Variants in PTPRT observed in about 807,000 individuals in gnomAD.
PTPRT encodes the protein receptor-type tyrosine-protein phosphatase T.
In PTPRT, 56 loss-of-function variants were observed where a neutral mutation model predicts 176.8. That is an observed-to-expected ratio of 0.32 (90% CI 0.26 to 0.40). The LOEUF (loss-of-function observed/expected upper bound fraction) is 0.40, where lower values mean the gene tolerates loss of function less well. Ranked by LOEUF, PTPRT falls within the 10% of genes least tolerant of loss-of-function variation. The probability of loss-of-function intolerance (pLI) is 1.00; values close to 1 mark genes in which losing one functional copy is unlikely to be tolerated. For missense variants in PTPRT, 1,540 were observed against 1,908.2 expected, an observed-to-expected ratio of 0.81 and a Z score of 3.60; for synonymous variants, 783 against 739.0, an observed-to-expected ratio of 1.06 and a Z score of -0.96.
chr20:43,161,640 C>T (rs771156210), intron 1 of PTPRT, among the ~76,000 whole-genome samples: 4 of 152,184 alleles, frequency 2.6e-5, no homozygotes, highest in Non-Finnish European at 5.9e-5. Flanking sequence ...ACTTCCTCTC[C>T]AGAATCCACA....
intron 3 of PTPRT, among the ~76,000 whole-genome samples, chr20:42,790,745 T>C (rs981387417): frequency 3.3e-5 from 5 of 152,206 alleles, no homozygotes; most frequent in Non-Finnish European, 7.3e-5. Flanking sequence ...TCATCTTAGA[T>C]GTCATCTCCT....
chr20:42,979,982 A>AG (rs1180055689), intron 1 of PTPRT, among the ~76,000 whole-genome samples: 12 of 9,460 alleles, frequency 1.3e-3, no homozygotes, highest in South Asian at 3.1e-3. Context: ...CCGGCCGGGA[A>AG]GGGGGGGTGG....
At chr20:42,736,209 A>C (rs544326931) in intron 6 of PTPRT, among the ~76,000 whole-genome samples, 27 of 152,326 alleles carry the variant, frequency 1.8e-4, no homozygotes, top group African/African-American at 6.5e-4. Flanking sequence ...ACTTCCCTGC[A>C]GGGAAAATAC....
intron 18 of PTPRT, among the ~76,000 whole-genome samples, chr20:42,138,918 T>G (rs1988499117): frequency 6.6e-6 from 1 of 152,226 alleles, no homozygotes; most frequent in African/African-American, 2.4e-5. Context: ...TGGGCCTTTG[T>G]CCTCCACTCC....
chr20:42,969,846 C>T (rs1428048531), intron 1 of PTPRT, among the ~76,000 whole-genome samples: 1 of 152,166 alleles, frequency 6.6e-6, no homozygotes, highest in Non-Finnish European at 1.5e-5. Context: ...AAATATGGTA[C>T]ATTTACTATA....
intron 2 of PTPRT, among the ~76,000 whole-genome samples, chr20:42,812,409 C>A (rs1305431480): frequency 6.6e-6 from 1 of 152,104 alleles, no homozygotes; most frequent in Admixed American, 6.6e-5. Context: ...CTGCCCCAGT[C>A]TGGTAACCTC....
At chr20:43,141,026 A>G (rs1170297381) in intron 1 of PTPRT, among the ~76,000 whole-genome samples, 1 of 152,238 alleles carries the variant, frequency 6.6e-6, no homozygotes, top group Non-Finnish European at 1.5e-5. Context: ...TGCACTGGAA[A>G]ATTGTAGCAC....
chr20:43,040,394 A>G (rs959148099), intron 1 of PTPRT, among the ~76,000 whole-genome samples: 1 of 152,246 alleles, frequency 6.6e-6, no homozygotes, highest in Non-Finnish European at 1.5e-5. Context: ...TTGCCAACAG[A>G]GCAGAACTGG....
chr20:42,124,011 T>C (rs1312894981), intron 19 of PTPRT, among the ~76,000 whole-genome samples: 1 of 152,106 alleles, frequency 6.6e-6, no homozygotes, highest in Non-Finnish European at 1.5e-5. Context: ...CTTGAAAAAT[T>C]CATATTGACT....
intron 15 of PTPRT, among the ~76,000 whole-genome samples, chr20:42,235,854 A>T (rs920420505): frequency 6.6e-6 from 1 of 152,162 alleles, no homozygotes; most frequent in Non-Finnish European, 1.5e-5. Flanking sequence ...CCAAGTAAAA[A>T]CACATGGATT....
At chr20:42,391,784 A>C (rs562185165) in intron 9 of PTPRT, among the ~76,000 whole-genome samples, 2 of 152,332 alleles carry the variant, frequency 1.3e-5, no homozygotes, top group African/African-American at 4.8e-5. Flanking sequence ...AGCAAGTCCT[A>C]CATACTGAAA....
In PTPRT at chr20:42,352,118, G is replaced by A. The variant is rs2145522752; in HGVS notation, c.1728C>T (p.Pro576=). 1.2e-6 allele frequency: 2 copies of A among 1,614,062 alleles called. No individual in the cohort carries two copies. Among genetic ancestry groups the A allele is most frequent in the Non-Finnish European group, 1.7e-6 (2 of 1,179,980 alleles). The change falls in exon 10 of 31, where the codon CCC becomes CCT. Residue 576 remains proline (P), a synonymous_variant. Transcript: ENST00000373187. ...TGGTGGCAATCCGAGTGGTGACAGG[G>A]GGCCCAAAGCCCTTTGCTGTGCTGG... ...IKASTAKGFG[P]PVTTRIATKI...
At chr20:42,224,105 C>G (rs1456360246) in intron 15 of PTPRT, among the ~76,000 whole-genome samples, 1 of 152,100 alleles carries the variant, frequency 6.6e-6, no homozygotes, top group Non-Finnish European at 1.5e-5. Context: ...AAAAACTGCT[C>G]CAGAAAGCAA....
intron 19 of PTPRT, among the ~76,000 whole-genome samples, chr20:42,120,604 G>A (rs915003183): frequency 9.2e-5 from 14 of 152,122 alleles, no homozygotes; most frequent in African/African-American, 3.4e-4. Flanking sequence ...GTACATTTCA[G>A]AGCACTACAG....
intron 18 of PTPRT, among the ~76,000 whole-genome samples, chr20:42,130,005 C>T (rs940985865): frequency 2.0e-5 from 3 of 152,146 alleles, no homozygotes; most frequent in Non-Finnish European, 2.9e-5. Flanking sequence ...GTTCTTTTAG[C>T]CCTTGTTACA....
At chr20:42,727,255 C>T (rs1600668338) in intron 6 of PTPRT, among the ~76,000 whole-genome samples, 1 of 152,182 alleles carries the variant, frequency 6.6e-6, no homozygotes, top group Non-Finnish European at 1.5e-5. Context: ...ATTTGATATC[C>T]TCTTAGATAT....
chr20:43,153,217 A>AT (rs2014416933), intron 1 of PTPRT, among the ~76,000 whole-genome samples: 1 of 152,214 alleles, frequency 6.6e-6, no homozygotes, highest in Non-Finnish European at 1.5e-5. Flanking sequence ...TATATATAGT[A>AT]TGAATGAAAC....
At chr20:42,330,403 G>T (rs1367089045) in intron 11 of PTPRT, among the ~76,000 whole-genome samples, 2 of 152,100 alleles carry the variant, frequency 1.3e-5, no homozygotes, top group African/African-American at 4.8e-5. Context: ...TTGAACATGG[G>T]AGGCAGAGGT....
chr20:42,597,388 C>T (rs976790028), intron 7 of PTPRT, among the ~76,000 whole-genome samples: 2 of 152,078 alleles, frequency 1.3e-5, no homozygotes, highest in Non-Finnish European at 2.9e-5. Context: ...TATTCTATGG[C>T]GATATGGTTT....
Sources: allele counts gnomAD v4.1 joint callset (sites outside exome capture counted in the v4.1 genomes callset), GRCh38; gene constraint gnomAD v4.1.1; transcripts MANE v1.5; gene names NCBI Gene and HGNC (gene_info 2026-07-23, HGNC 2026-07-21).